The following COL21A1 variants were observed in gnomAD, a reference collection of about 807,000 sequenced individuals.
The protein encoded by COL21A1 is collagen type XXI alpha 1 chain, also known as collagen alpha-1(XXI) chain.
A neutral mutation model predicts 137.9 loss-of-function variants in COL21A1; 149 were observed. That is an observed-to-expected ratio of 1.08 (90% CI 0.95 to 1.24). COL21A1 has a LOEUF of 1.24. Among genes scored for constraint, COL21A1 ranks in the 50% most tolerant of loss-of-function variants. COL21A1 has a pLI of 0.00. For synonymous variants in COL21A1, 456 were observed against 391.5 expected, an observed-to-expected ratio of 1.16 and a Z score of -1.95; for missense variants, 1,167 against 1,158.4, an observed-to-expected ratio of 1.01 and a Z score of -0.11.
intron 1 of COL21A1, among the ~76,000 whole-genome samples, chr6:56,342,066 G>T (rs1225886112): frequency 6.6e-6 from 1 of 152,156 alleles, no homozygotes; most frequent in Non-Finnish European, 1.5e-5. Flanking sequence ...CTGGGCTCCA[G>T]TGTTTGTATT....
chr6:56,063,146 A>C (rs1359999992), intron 24 of COL21A1, among the ~76,000 whole-genome samples: 1 of 152,152 alleles, frequency 6.6e-6, no homozygotes, highest in East Asian at 1.9e-4. Context: ...AATCTAGGGC[A>C]GAAGCTTTCT....
intron 17 of COL21A1, among the ~76,000 whole-genome samples, chr6:56,087,931 G>T (rs1458058642): frequency 6.6e-6 from 1 of 152,144 alleles, no homozygotes; most frequent in South Asian, 2.1e-4. Context: ...TCCTGTGTTT[G>T]ACAATTTTTA....
rs193200197 is a variant in COL21A1 at position 56,057,694 on chromosome 6, G to C, written c.2837C>G (p.Ala946Gly). 1 of 1,613,196 alleles carries C rather than the reference G, an allele frequency of 6.2e-7. No homozygotes were observed. Among genetic ancestry groups the C allele is most frequent in the East Asian group, 2.2e-5 (1 of 44,760 alleles). Residue 946 changes from alanine (A) to glycine (G), a missense_variant, in exon 30 of 30, where the codon GCC becomes GGC. Physicochemically the swap from Ala to Gly is moderately conservative, Grantham distance 60. Coordinates refer to ENST00000244728, the MANE Select transcript of COL21A1 (RefSeq NM_030820.4). The stretch of plus-strand genomic sequence containing the variant: ...TCCTTTTCTGAACGGATCTCTTCTG[G>C]CAATTACACTAAAACATAGTGATGG... Reference protein sequence around the residue: ...CDPSLCFSVIARRDPFRKGPN... With the variant: ...CDPSLCFSVIGRRDPFRKGPN...
At chr6:56,334,198 T>G (rs1453520407) in intron 1 of COL21A1, among the ~76,000 whole-genome samples, 1 of 152,120 alleles carries the variant, frequency 6.6e-6, no homozygotes, top group Non-Finnish European at 1.5e-5. Flanking sequence ...TGTATATACT[T>G]GTCCATCTGC....
intron 1 of COL21A1, among the ~76,000 whole-genome samples, chr6:56,217,601 T>C (rs1471091026): frequency 6.6e-6 from 1 of 152,114 alleles, no homozygotes; most frequent in Non-Finnish European, 1.5e-5. Flanking sequence ...TTCTAACCAA[T>C]ATTAAGTATA....
chr6:56,242,692 A>G (rs1018643475), intron 1 of COL21A1, among the ~76,000 whole-genome samples: 1 of 152,210 alleles, frequency 6.6e-6, no homozygotes, highest in Non-Finnish European at 1.5e-5. Context: ...AGAAACAACA[A>G]GGAGAAAAAA....
intron 1 of COL21A1, among the ~76,000 whole-genome samples, chr6:56,339,658 A>G (rs75748328): frequency 0.019 from 2,888 of 152,324 alleles, 97 homozygotes; most frequent in African/African-American, 0.064. Context: ...TTTGAACTTT[A>G]TAGTAGATTT....
At position 56,098,430 on chromosome 6, in the gene COL21A1, A is replaced by T. The variant is rs796117263; in HGVS notation, c.1812+3042T>A. 3.4e-3 allele frequency among the ~76,000 whole-genome samples: 20 copies of T among 5,818 alleles called. 1 individual carries two copies. The highest frequency in any genetic ancestry group is 4.0e-3 in the Non-Finnish European group (16 of 4,032). The allele number at this position is 5,818 out of a possible 152,430, so 3.8% of individuals were successfully genotyped here. A position where few individuals can be genotyped will look rare whatever the true frequency, so the allele number is the denominator to read the frequency against. ...ATATATATAAATATATAAATATATA[A>T]ATATATATAAATATATATATATATA... On this transcript the variant is annotated intron_variant, in intron 17 of 29. Transcript: ENST00000244728.
intron 22 of COL21A1, among the ~76,000 whole-genome samples, chr6:56,067,722 G>T (rs563638698): frequency 2.6e-5 from 4 of 151,636 alleles, no homozygotes; most frequent in African/African-American, 9.7e-5. Flanking sequence ...CAAGTTTATA[G>T]GAAACAATGA....
At chr6:56,356,976 AT>A (rs562137021) in intron 1 of COL21A1, among the ~76,000 whole-genome samples, 4 of 151,800 alleles carry the variant, frequency 2.6e-5, no homozygotes, top group Admixed American at 6.6e-5. Context: ...TATTCTGTGC[AT>A]TTTTTTTCTG....
At chr6:56,058,670 C>T (rs1210045741) in intron 29 of COL21A1, among the ~76,000 whole-genome samples, 1 of 152,132 alleles carries the variant, frequency 6.6e-6, no homozygotes, top group Non-Finnish European at 1.5e-5. Flanking sequence ...TTATTGAAAA[C>T]ATAACTGTGA....
At chr6:56,388,002 A>T (rs188103149) in intron 1 of COL21A1, among the ~76,000 whole-genome samples, 1 of 152,266 alleles carries the variant, frequency 6.6e-6, no homozygotes, top group East Asian at 1.9e-4. Context: ...TCCAAGAGAG[A>T]CTACCTCCAC....
intron 1 of COL21A1, among the ~76,000 whole-genome samples, chr6:56,309,761 A>G (rs1028788468): frequency 6.6e-6 from 1 of 152,214 alleles, no homozygotes; most frequent in Non-Finnish European, 1.5e-5. Flanking sequence ...TGGTCTTTAG[A>G]ACATATAAGC....
intron 1 of COL21A1, among the ~76,000 whole-genome samples, chr6:56,264,396 C>T (rs1763349870): frequency 1.3e-5 from 2 of 152,154 alleles, no homozygotes; most frequent in South Asian, 4.1e-4. Context: ...CCCTGGCTTT[C>T]CTTCTACTTC....
chr6:56,158,078 T>C (rs1314947722), intron 9 of COL21A1, among the ~76,000 whole-genome samples: 1 of 151,884 alleles, frequency 6.6e-6, no homozygotes, highest in Non-Finnish European at 1.5e-5. Flanking sequence ...GAGGTGAGGG[T>C]GTTTTATAAT....
At position 56,364,933 on chromosome 6, in the gene COL21A1, G is replaced by A. The variant is rs183074962; in HGVS notation, c.-39+29038C>T. 3.8e-4 allele frequency among the ~76,000 whole-genome samples: 58 copies of A among 152,176 alleles called. No individual in the cohort carries two copies. The Middle Eastern group carries it at 0.014, about 36-fold the overall frequency. On this transcript the variant is annotated intron_variant, in intron 1 of 28. Transcript: ENST00000370819. ...TTCCATTTTTGTTTCTGAGTCACTG[G>A]TGAGTTGAATACTCTATGAACTCTG...
At chr6:56,229,669 G>T (rs1204347741) in intron 1 of COL21A1, among the ~76,000 whole-genome samples, 1 of 151,892 alleles carries the variant, frequency 6.6e-6, no homozygotes, top group Non-Finnish European at 1.5e-5. Context: ...TGAGGAGTAT[G>T]GTCATTTTCC....
At chr6:56,246,971 G>T (rs1782686982) in intron 1 of COL21A1, among the ~76,000 whole-genome samples, 1 of 152,174 alleles carries the variant, frequency 6.6e-6, no homozygotes, top group African/African-American at 2.4e-5. Context: ...CAGCCGTAAA[G>T]AACCTCTGGC....
At chr6:56,073,393 CT>C (rs549452552) in intron 20 of COL21A1, among the ~76,000 whole-genome samples, 1 of 151,302 alleles carries the variant, frequency 6.6e-6, no homozygotes, top group Non-Finnish European at 1.5e-5. Flanking sequence ...GCTCCCATGT[CT>C]TTTTTTTCTC....
Sources: allele counts gnomAD v4.1 joint callset (sites outside exome capture counted in the v4.1 genomes callset), GRCh38; gene constraint gnomAD v4.1.1; transcripts MANE v1.5; gene names NCBI Gene and HGNC (gene_info 2026-07-23, HGNC 2026-07-21).